The following CADM2 variants were observed in gnomAD, a reference collection of about 807,000 sequenced individuals.
CADM2 encodes immunoglobulin superfamily member 4D.
Under a neutral mutation model 49.8 loss-of-function variants are expected in CADM2, and 12 were observed. The ratio of observed to expected loss-of-function variants is 0.24; its 90% confidence interval spans 0.15 to 0.39. The LOEUF is 0.39. Ranked by LOEUF, CADM2 falls within the 10% of genes least tolerant of loss-of-function variation. The probability of loss-of-function intolerance (pLI) is 1.00; values close to 1 mark genes in which losing one functional copy is unlikely to be tolerated. For synonymous variants in CADM2, 214 were observed against 175.4 expected, an observed-to-expected ratio of 1.22 and a Z score of -1.74; for missense variants, 378 against 492.3, an observed-to-expected ratio of 0.77 and a Z score of 2.20.
At chr3:84,969,711 A>C (rs1483586492) in intron 1 of CADM2, among the ~76,000 whole-genome samples, 2 of 151,906 alleles carry the variant, frequency 1.3e-5, no homozygotes, top group Non-Finnish European at 2.9e-5. Flanking sequence ...ACAGAAATGC[A>C]CCCCAAGAAA....
chr3:85,305,415 A>G lies in CADM2; in HGVS notation c.61+345747A>G, dbSNP rs202085745. On this transcript the variant is annotated intron_variant, in intron 1 of 9. Coordinates refer to ENST00000383699, the MANE Select transcript of CADM2 (RefSeq NM_001167675.2). ...ACTGGTGATCCTGTAATACATTTTC[A>G]TATGTACAGACAGTCATTAGTAGAA... 8.6e-5 allele frequency among the ~76,000 whole-genome samples: 13 copies of G among 151,820 alleles called. No individual in the cohort carries two copies. In the East Asian group the frequency reaches 1.4e-3, roughly 16 times the overall value.
intron 1 of CADM2, among the ~76,000 whole-genome samples, chr3:85,639,348 A>G (rs185963484): frequency 9.1e-4 from 138 of 152,332 alleles, no homozygotes; most frequent in Non-Finnish European, 4.6e-4. Context: ...TAAACATTGC[A>G]TCGCACACTA....
At chr3:85,377,798 A>C (rs2033679287) in intron 1 of CADM2, among the ~76,000 whole-genome samples, 1 of 152,064 alleles carries the variant, frequency 6.6e-6, no homozygotes. Flanking sequence ...AGCACACTTG[A>C]ATGACACTAG....
At chr3:85,631,699 C>A (rs184937983) in intron 1 of CADM2, among the ~76,000 whole-genome samples, 1 of 152,106 alleles carries the variant, frequency 6.6e-6, no homozygotes, top group East Asian at 1.9e-4. Context: ...CAATAGAAGT[C>A]TAAGAATCAT....
intron 1 of CADM2, among the ~76,000 whole-genome samples, chr3:85,029,839 C>T (rs975198416): frequency 3.9e-5 from 6 of 152,198 alleles, no homozygotes; most frequent in Non-Finnish European, 8.8e-5. Context: ...CACTTCTTCT[C>T]ATAAAAGACT....
chr3:85,422,123 A>G (rs1373385394), intron 1 of CADM2, among the ~76,000 whole-genome samples: 1 of 152,170 alleles, frequency 6.6e-6, no homozygotes, highest in East Asian at 1.9e-4. Context: ...TGCATATGTA[A>G]AAGTTTTAGA....
At chr3:85,686,969 C>T (rs1182051261) in intron 1 of CADM2, among the ~76,000 whole-genome samples, 2 of 152,170 alleles carry the variant, frequency 1.3e-5, no homozygotes, top group Non-Finnish European at 2.9e-5. Context: ...TGTGCTCTGA[C>T]CACCTTGGGC....
chr3:86,023,103 G>A (rs1733408697), intron 8 of CADM2, among the ~76,000 whole-genome samples: 1 of 152,050 alleles, frequency 6.6e-6, no homozygotes, highest in African/African-American at 2.4e-5. Flanking sequence ...GTGTGGCATG[G>A]CAAATAGTAT....
At chr3:85,760,961 A>G (rs2069342180) in intron 2 of CADM2, among the ~76,000 whole-genome samples, 2 of 152,220 alleles carry the variant, frequency 1.3e-5, no homozygotes, top group African/African-American at 4.8e-5. Context: ...TAAGAAATAG[A>G]AAACTGATTT....
chr3:85,665,601 A>G (rs1209336654), intron 1 of CADM2, among the ~76,000 whole-genome samples: 3 of 151,866 alleles, frequency 2.0e-5, no homozygotes, highest in Non-Finnish European at 4.4e-5. Flanking sequence ...AAACAGAAGG[A>G]CCCTTTCCTG....
chr3:85,157,058 G>T (rs997387943), intron 1 of CADM2, among the ~76,000 whole-genome samples: 5 of 152,024 alleles, frequency 3.3e-5, no homozygotes, highest in Non-Finnish European at 7.4e-5. Flanking sequence ...GACAAACAGA[G>T]AGCCAAATCA....
At chr3:85,305,682 T>A (rs1199000932) in intron 1 of CADM2, among the ~76,000 whole-genome samples, 2 of 151,696 alleles carry the variant, frequency 1.3e-5, no homozygotes, top group African/African-American at 4.8e-5. Context: ...TACAACAGTT[T>A]CACCACCATC....
chr3:85,989,886 G>A (rs765992902), intron 8 of CADM2, among the ~76,000 whole-genome samples: 32 of 151,292 alleles, frequency 2.1e-4, no homozygotes, highest in South Asian at 4.2e-4. Flanking sequence ...GGTGGTGGGC[G>A]CCTGCAATCC....
chr3:85,947,844 A>G (rs978414159), intron 7 of CADM2, among the ~76,000 whole-genome samples: 2 of 151,572 alleles, frequency 1.3e-5, no homozygotes, highest in South Asian at 2.1e-4. Flanking sequence ...TGAAAGTCCC[A>G]TAAGAGCTTG....
chr3:85,413,437 T>C (rs6791236), intron 1 of CADM2, among the ~76,000 whole-genome samples: 25,261 of 151,998 alleles, frequency 0.17, 2,638 homozygotes, highest in Non-Finnish European at 0.23. Context: ...TCTCTTCTCA[T>C]ACTGCTATAA....
intron 1 of CADM2, among the ~76,000 whole-genome samples, chr3:85,031,572 T>G (rs896674672): frequency 1.3e-5 from 2 of 152,170 alleles, no homozygotes; most frequent in Non-Finnish European, 2.9e-5. Context: ...TGGAGTGCAG[T>G]GGCGCGATCT....
At chr3:85,786,640 T>G (rs1408767392) in intron 2 of CADM2, among the ~76,000 whole-genome samples, 1 of 152,108 alleles carries the variant, frequency 6.6e-6, no homozygotes, top group African/African-American at 2.4e-5. Flanking sequence ...TACATATTGA[T>G]CAACACTTAA....
chr3:85,901,325 G>T (rs1716091391), intron 5 of CADM2, among the ~76,000 whole-genome samples: 2 of 152,182 alleles, frequency 1.3e-5, no homozygotes, highest in African/African-American at 4.8e-5. Flanking sequence ...CCTTCCATTT[G>T]TGTTGGTAAT....
rs184394819 is a variant in CADM2 at position 86,018,598 on chromosome 3, C to T, written c.971-47007C>T. Among the ~76,000 whole-genome samples the T allele has an allele frequency of 2.9e-3, 440 of 152,244 alleles. 1 individual carries two copies. Among genetic ancestry groups the T allele is most frequent in the Non-Finnish European group, 4.8e-3 (325 of 68,014 alleles). On this transcript the variant is annotated intron_variant, in intron 8 of 9. Coordinates refer to ENST00000383699, the MANE Select transcript of CADM2 (RefSeq NM_001167675.2). ...ACTGGTGTGAGATGGCATTGCATTGCGGTTTTGATTTGCATTTCTTGATGG... is the reference window on the plus strand; with the variant it reads ...ACTGGTGTGAGATGGCATTGCATTGTGGTTTTGATTTGCATTTCTTGATGG...
Sources: allele counts gnomAD v4.1 joint callset (sites outside exome capture counted in the v4.1 genomes callset), GRCh38; gene constraint gnomAD v4.1.1; transcripts MANE v1.5; gene names NCBI Gene and HGNC (gene_info 2026-07-23, HGNC 2026-07-21).